The following P2RY14 variants were observed in gnomAD, a reference collection of about 807,000 sequenced individuals.
The protein encoded by P2RY14 is P2Y purinoceptor 14.
Under a neutral mutation model 0.9 loss-of-function variants are expected in P2RY14, and 2 were observed. The observed-to-expected ratio is 2.16, with a 90% CI of 0.88 to 6.79. The LOEUF (loss-of-function observed/expected upper bound fraction) is 6.79, where lower values mean the gene tolerates loss of function less well. Ranked by LOEUF, P2RY14 falls within the 30% of genes most tolerant of loss-of-function variation. The pLI is 0.05. For synonymous variants in P2RY14, 158 were observed against 147.2 expected (o/e 1.07, Z -0.53); for missense variants, 378 against 400.1 (o/e 0.94, Z 0.47).
At chr3:151,225,444 G>A (rs1256348217) in intron 1 of P2RY14, among the ~76,000 whole-genome samples, 4 of 152,196 alleles carry the variant, frequency 2.6e-5, no homozygotes, top group Non-Finnish European at 5.9e-5. Context: ...AAGTGAGCAT[G>A]TGAGACCAAG....
chr3:151,228,725 T>C (rs984099501), intron 1 of P2RY14, among the ~76,000 whole-genome samples: 5 of 152,202 alleles, frequency 3.3e-5, no homozygotes, highest in African/African-American at 9.7e-5. Flanking sequence ...TGCTAATCTT[T>C]CATGAGAGTG....
At chr3:151,229,473 ATTTTT>A (rs59434401) in intron 1 of P2RY14, among the ~76,000 whole-genome samples, 3 of 90,138 alleles carry the variant, frequency 3.3e-5, no homozygotes, top group Admixed American at 1.4e-4. Flanking sequence ...TGCCCGGCTA[ATTTTT>A]TTTTTTTTTT....
At chr3:151,217,553 C>T (rs941734787) in intron 2 of P2RY14, among the ~76,000 whole-genome samples, 1 of 152,226 alleles carries the variant, frequency 6.6e-6, no homozygotes, top group African/African-American at 2.4e-5. Flanking sequence ...TCCCCAAACA[C>T]TGCTATTTTG....
intron 2 of P2RY14, among the ~76,000 whole-genome samples, chr3:151,217,607 G>T (rs540903790): frequency 6.6e-6 from 1 of 152,332 alleles, no homozygotes; most frequent in East Asian, 1.9e-4. Flanking sequence ...TTTAGGGTGG[G>T]AGGTTTTAGA....
chr3:151,257,389 A>G (rs1738018112), intron 1 of P2RY14, among the ~76,000 whole-genome samples: 1 of 152,220 alleles, frequency 6.6e-6, no homozygotes, highest in South Asian at 2.1e-4. Context: ...TATCTGAATG[A>G]TTAAGAGCAT....
Position 151,212,957 on chromosome 3 carries a change from A to G in P2RY14, c.*343T>C, listed in dbSNP as rs941243326. On this transcript the variant is annotated 3_prime_UTR_variant, in exon 3 of 3. Transcript: ENST00000309170. ...AAGATGCCTGAGTGAGTTGTCTTTG[A>G]TTATGTTGTGTTTTATTTACTATTT... 1.9e-5 allele frequency: 3 copies of G among 156,344 alleles called. No homozygotes were observed. Among genetic ancestry groups the G allele is most frequent in the African/African-American group, 4.8e-5 (2 of 41,348 alleles). 9.7% of individuals were successfully genotyped at this position (156,344 alleles called of 1,614,324 possible). A position where few individuals can be genotyped will look rare whatever the true frequency, so the allele number is the denominator to read the frequency against.
At chr3:151,220,368 A>G (rs894827628) in intron 1 of P2RY14, among the ~76,000 whole-genome samples, 1 of 151,980 alleles carries the variant, frequency 6.6e-6, no homozygotes, top group Non-Finnish European at 1.5e-5. Context: ...AATTCTTTAA[A>G]CCAGTGAGTG....
At chr3:151,275,876 A>G (rs1039145936) in intron 1 of P2RY14, among the ~76,000 whole-genome samples, 10 of 152,124 alleles carry the variant, frequency 6.6e-5, no homozygotes, top group African/African-American at 2.4e-4. Context: ...TCAGACTTTT[A>G]GGAGGCAATG....
intron 1 of P2RY14, among the ~76,000 whole-genome samples, chr3:151,261,228 G>A (rs562116650): frequency 5.3e-5 from 8 of 152,102 alleles, no homozygotes; most frequent in African/African-American, 1.9e-4. Flanking sequence ...TTGCATGAAC[G>A]AATGATGGAG....
chr3:151,213,758 A>T lies in P2RY14; in HGVS notation c.559T>A (p.Ser187Thr). The T allele has an allele frequency of 6.2e-7, 1 of 1,614,160 alleles. No homozygotes were observed. The highest frequency in any genetic ancestry group is 8.5e-7 in the Non-Finnish European group (1 of 1,179,996). The change falls in exon 3 of 3, where the codon TCA becomes ACA. Residue 187 changes from serine to threonine, a missense_variant. By Grantham distance (58) the Ser-to-Thr change is moderately conservative (BLOSUM62 1). Coordinates refer to ENST00000309170, the MANE Select transcript of P2RY14 (RefSeq NM_014879.4). ...SELGRKWHKA[S>T]NYIFVAIFWI... ...AAGATGGCCACGAAGATGTAGTTTG[A>T]TGCTTTGTGCCACTTCCGTCCCAGT...
rs181237120 is a variant in P2RY14 at position 151,268,252 on chromosome 3, C to G, written c.-133+10035G>C. Among the ~76,000 whole-genome samples, 462 of 131,468 alleles carry G rather than the reference C, an allele frequency of 3.5e-3. 3 individuals are homozygous for G. Among genetic ancestry groups the G allele is most frequent in the African/African-American group, 0.012 (442 of 36,264 alleles). The allele number at this position is 131,468 out of a possible 152,430, so 86.2% of individuals were successfully genotyped here. The stretch of plus-strand genomic sequence containing the variant: ...GAGTAATATCTTGTAACATTTATTA[C>G]TTATATATATATATAAGTCAGTTTT... On this transcript the variant is annotated intron_variant, in intron 1 of 2. Coordinates refer to ENST00000309170, the MANE Select transcript of P2RY14 (RefSeq NM_014879.4).
At chr3:151,225,782 G>A (rs1730368783) in intron 1 of P2RY14, among the ~76,000 whole-genome samples, 1 of 152,148 alleles carries the variant, frequency 6.6e-6, no homozygotes, top group African/African-American at 2.4e-5. Flanking sequence ...AGCATTTGAT[G>A]TTTGACACTC....
intron 1 of P2RY14, among the ~76,000 whole-genome samples, chr3:151,254,678 A>G (rs944362516): frequency 6.6e-6 from 1 of 152,240 alleles, no homozygotes; most frequent in African/African-American, 2.4e-5. Flanking sequence ...TATGCATATG[A>G]TAAAACTTTC....
chr3:151,259,228 G>A (rs1738414124), intron 1 of P2RY14, among the ~76,000 whole-genome samples: 1 of 152,162 alleles, frequency 6.6e-6, no homozygotes, highest in African/African-American at 2.4e-5. Flanking sequence ...TGAGAACAAT[G>A]GTTTCTGTGA....
intron 1 of P2RY14, among the ~76,000 whole-genome samples, chr3:151,229,855 A>C (rs1731281585): frequency 6.6e-6 from 1 of 152,194 alleles, no homozygotes; most frequent in South Asian, 2.1e-4. Flanking sequence ...AGTAGGACTT[A>C]AGGGTGAAAG....
intron 1 of P2RY14, among the ~76,000 whole-genome samples, chr3:151,233,042 A>T (rs1452470792): frequency 1.3e-5 from 2 of 152,220 alleles, no homozygotes; most frequent in Non-Finnish European, 2.9e-5. Flanking sequence ...TAAAGCAATA[A>T]AAAAACACCA....
intron 2 of P2RY14, among the ~76,000 whole-genome samples, chr3:151,217,934 G>A (rs933003151): frequency 3.9e-5 from 6 of 152,144 alleles, no homozygotes; most frequent in Non-Finnish European, 7.3e-5. Context: ...AGGCAAGTAA[G>A]ACCAAATTAT....
chr3:151,270,433 C>T (rs1051151541), intron 1 of P2RY14, among the ~76,000 whole-genome samples: 2 of 152,060 alleles, frequency 1.3e-5, no homozygotes, highest in African/African-American at 2.4e-5. Flanking sequence ...CCACTGAACT[C>T]TCTGGGGAAA....
At chr3:151,216,966 C>T (rs980032909) in intron 2 of P2RY14, among the ~76,000 whole-genome samples, 9 of 152,120 alleles carry the variant, frequency 5.9e-5, no homozygotes, top group Non-Finnish European at 8.8e-5. Context: ...GTTTCCCAGT[C>T]CTAAGCCACA....
Sources: gnomAD v4.1 joint callset for allele counts (sites outside exome capture counted in the v4.1 genomes callset) on GRCh38, gnomAD v4.1.1 for gene constraint, MANE v1.5 for transcripts, NCBI Gene and HGNC (gene_info 2026-07-23, HGNC 2026-07-21) for gene names.